CC2D2B: variants seen among roughly 807,000 people sequenced by gnomAD.
CC2D2B encodes protein CC2D2B.
CC2D2B carries 128 observed loss-of-function variants against 161.2 expected under a neutral mutation model. The ratio of observed to expected loss-of-function variants is 0.79; its 90% CI spans 0.69 to 0.92. CC2D2B has a LOEUF of 0.92. Ranked by LOEUF, CC2D2B falls within the 40% of genes least tolerant of loss-of-function variation. CC2D2B has a pLI of 0.00. For synonymous variants in CC2D2B, 391 were observed against 449.8 expected (o/e 0.87, Z 1.65); for missense variants, 1,173 against 1,375.1 (o/e 0.85, Z 2.32).
intron 11 of CC2D2B, among the ~76,000 whole-genome samples, chr10:95,956,976 T>C (rs2076587190): frequency 6.6e-6 from 1 of 152,156 alleles, no homozygotes; most frequent in African/African-American, 2.4e-5. Flanking sequence ...GAAAAGCCTA[T>C]ATTTTGGAAC....
intron 9 of CC2D2B, among the ~76,000 whole-genome samples, chr10:95,947,905 G>C (rs191851052): frequency 1.8e-4 from 28 of 152,316 alleles, no homozygotes; most frequent in Middle Eastern, 3.4e-3. Flanking sequence ...ATTGCTTAGA[G>C]GGCCCAGGCT....
intron 17 of CC2D2B, among the ~76,000 whole-genome samples, chr10:95,976,705 C>G (rs1280902974): frequency 1.3e-5 from 2 of 152,174 alleles, no homozygotes; most frequent in Non-Finnish European, 1.5e-5. Context: ...ACTGACTGAA[C>G]TGTAGATAAA....
Position 95,925,961 on chromosome 10 carries a change from T to G in CC2D2B, c.240+1117T>G, listed in dbSNP as rs1391268373. On this transcript the variant is annotated intron_variant, in intron 5 of 34. Coordinates refer to ENST00000646931, the MANE Select transcript of CC2D2B (RefSeq NM_001349008.3). The stretch of plus-strand genomic sequence containing the variant: ...AAGACTGTAATGAGCAACTAATAGT[T>G]TCTGCCACAAGCACCTAGAGTATTT... Among the ~76,000 whole-genome samples the G allele has an allele frequency of 2.0e-5, 3 of 152,300 alleles. No individual in the cohort carries two copies. In the East Asian group the frequency reaches 5.8e-4, roughly 29 times the overall value.
chr10:95,959,080 A>G (rs181572733), intron 11 of CC2D2B, among the ~76,000 whole-genome samples: 1 of 152,170 alleles, frequency 6.6e-6, no homozygotes, highest in East Asian at 1.9e-4. Flanking sequence ...TATGGAAAAG[A>G]CAAATCTACA....
chr10:96,019,459 C>A, intron 31 of CC2D2B, 122 bp downstream of exon 31: 3 of 1,059,352 alleles, frequency 2.8e-6, no homozygotes, highest in Non-Finnish European at 4.1e-6. Flanking sequence ...GGCATGGGGC[C>A]GGGGCAATCT....
intron 30 of CC2D2B, among the ~76,000 whole-genome samples, chr10:96,017,852 G>A (rs910534935): frequency 3.3e-5 from 5 of 152,136 alleles, no homozygotes; most frequent in Admixed American, 6.5e-5. Context: ...AGGGAAGATC[G>A]CTTGAGCCTG....
Position 96,012,379 on chromosome 10 carries a change from A to G in CC2D2B, c.3228+12A>G. 1.5e-6 allele frequency: 1 copy of G among 681,628 alleles called. No homozygotes were observed. The highest frequency in any genetic ancestry group is 2.7e-5 in the East Asian group (1 of 37,022). The allele number at this position is 681,628 out of a possible 1,614,324, so 42.2% of individuals were successfully genotyped here. A position where few individuals can be genotyped will look rare whatever the true frequency, so the allele number is the denominator to read the frequency against. Reference sequence around the variant, plus strand: ...CAACACTAGATAAGGTAGGTTTTACATTGAATTTCTTTTATATATACCATC... The same window carrying G: ...CAACACTAGATAAGGTAGGTTTTACGTTGAATTTCTTTTATATATACCATC... On this transcript the variant is annotated intron_variant, in intron 27 of 34. Transcript: ENST00000646931.
chr10:95,947,099 ATATATATATATATATTTT>A (rs1180988775), intron 9 of CC2D2B, among the ~76,000 whole-genome samples: 1 of 34,378 alleles, frequency 2.9e-5, no homozygotes, highest in Non-Finnish European at 4.7e-5. Context: ...ATATATATAT[ATATATATATATATATTTT>A]TTTTTTTTTT....
intron 3 of CC2D2B, among the ~76,000 whole-genome samples, chr10:95,922,568 A>T (rs971980997): frequency 2.0e-5 from 3 of 152,234 alleles, no homozygotes; most frequent in Admixed American, 2.0e-4. Flanking sequence ...CATGACCTAT[A>T]GTTAGTTATT....
chr10:95,946,253 G>A (rs1313877178), intron 9 of CC2D2B, among the ~76,000 whole-genome samples: 1 of 152,070 alleles, frequency 6.6e-6, no homozygotes, highest in Non-Finnish European at 1.5e-5. Flanking sequence ...TTGCTCTCCA[G>A]TCTAAATTGC....
chr10:95,928,993 A>G (rs1008267266), intron 6 of CC2D2B, among the ~76,000 whole-genome samples: 1 of 152,022 alleles, frequency 6.6e-6, no homozygotes, highest in Non-Finnish European at 1.5e-5. Context: ...TGTCTTCCAC[A>G]ATGGTGGAAG....
chr10:96,024,265 G>A (rs1242009984), intron 32 of CC2D2B, among the ~76,000 whole-genome samples: 1 of 152,158 alleles, frequency 6.6e-6, no homozygotes, highest in Non-Finnish European at 1.5e-5. Context: ...GTGTGTGTGT[G>A]TGTGTATGCA....
chr10:96,016,665 G>A (rs997083937), intron 30 of CC2D2B, among the ~76,000 whole-genome samples: 3 of 152,178 alleles, frequency 2.0e-5, no homozygotes, highest in Non-Finnish European at 4.4e-5. Flanking sequence ...TAGTTATAGT[G>A]TAGTTGTGGC....
At chr10:95,945,240 C>A (rs2076156352) in intron 9 of CC2D2B, among the ~76,000 whole-genome samples, 1 of 152,200 alleles carries the variant, frequency 6.6e-6, no homozygotes, top group Non-Finnish European at 1.5e-5. Context: ...CTTAACAGAT[C>A]ATGTCCTAGA....
intron 13 of CC2D2B, 29 bp downstream of exon 13, chr10:95,966,027 T>C (rs2076928171): frequency 1.2e-6 from 1 of 848,402 alleles, no homozygotes; most frequent in Non-Finnish European, 1.6e-6. Flanking sequence ...AACATTAAAC[T>C]CAACTAGTTA....
chr10:95,973,251 A>G (rs1414810328), intron 16 of CC2D2B, among the ~76,000 whole-genome samples: 1 of 152,134 alleles, frequency 6.6e-6, no homozygotes, highest in Non-Finnish European at 1.5e-5. Context: ...AAGACTCAGG[A>G]CTCAAAAAAT....
chr10:95,920,011 G>A (rs1304473599), intron 2 of CC2D2B: 1 of 151,474 alleles, frequency 6.6e-6, no homozygotes, highest in Non-Finnish European at 1.5e-5. Flanking sequence ...GGGGTTTTTA[G>A]TCAGCAGTTG....
chr10:95,944,965 G>C (rs535764077), intron 9 of CC2D2B, among the ~76,000 whole-genome samples: 1 of 152,158 alleles, frequency 6.6e-6, no homozygotes, highest in African/African-American at 2.4e-5. Flanking sequence ...AAGGCAATTA[G>C]GCCATTAAGG....
rs2077998947 is a variant in CC2D2B at position 95,992,565 on chromosome 10, G to A, written c.2510G>A (p.Arg837Gln). 4.1e-6 allele frequency: 5 copies of A among 1,233,976 alleles called. No individual in the cohort carries two copies. Among genetic ancestry groups the A allele is most frequent in the Non-Finnish European group, 5.1e-6 (5 of 988,040 alleles). The allele number at this position is 1,233,976 out of a possible 1,614,324, so 76.4% of individuals were successfully genotyped here. A position where few individuals can be genotyped will look rare whatever the true frequency, so the allele number is the denominator to read the frequency against. Residue 837 changes from arginine (R) to glutamine (Q), a missense_variant, in exon 22 of 35, where the codon CGG (arginine) becomes CAG (glutamine). Transcript: ENST00000646931. ...TDAVCKFVEPRRKLKPQRKER... is the reference protein window; with the variant it reads ...TDAVCKFVEPQRKLKPQRKER... ...GCAGTTTGTAAGTTTGTTGAACCAC[G>A]GAGAAAGTTAAAACCTCAGAGGAAA...
Sources: allele counts gnomAD v4.1 joint callset (sites outside exome capture counted in the v4.1 genomes callset), GRCh38; gene constraint gnomAD v4.1.1; transcripts MANE v1.5; gene names NCBI Gene and HGNC (gene_info 2026-07-23, HGNC 2026-07-21).